MEGF8: variants seen among roughly 807,000 people sequenced by gnomAD.
MEGF8 encodes multiple epidermal growth factor-like domains protein 8.
MEGF8 carries 156 observed loss-of-function variants against 302.9 expected under a neutral mutation model. The ratio of observed to expected loss-of-function variants is 0.52; its 90% CI spans 0.45 to 0.59. The LOEUF is 0.59. MEGF8 is among the 20% of genes least tolerant of loss of function. MEGF8 has a pLI of 0.00. For synonymous variants in MEGF8, 1,621 were observed against 1,660.5 expected (o/e 0.98, Z 0.58); for missense variants, 3,345 against 3,964.5 (o/e 0.84, Z 4.20).
chr19:42,349,792 C>T (rs2039342487), intron 14 of MEGF8, 93 bp downstream of exon 14: 12 of 1,353,232 alleles, frequency 8.9e-6, no homozygotes, highest in East Asian at 4.6e-5. Flanking sequence ...ACTCTGAAAT[C>T]CCTAGATTCT....
Position 42,368,881 on chromosome 19 carries a change from C to T in MEGF8, c.6520C>T (p.Leu2174=), listed in dbSNP as rs375806503. The change falls in exon 37 of 42, where the codon CTG becomes TTG. Residue 2174 remains leucine (L), a synonymous_variant. Coordinates refer to ENST00000251268, the MANE Select transcript of MEGF8 (RefSeq NM_001271938.2). This position sits in a 1 kb window ranked among gnomAD's most constrained non-coding sequence, Gnocchi z 4.9. ...CGRPGASWAF[L]SCPPEDECAN... is the part of the protein sequence containing the mutation. ...GCGTCCGGGGGCCTCCTGGGCCTTC[C>T]TGTCCTGCCCCCCTGAGGACGAGTG... is the stretch of plus-strand genomic sequence containing the variant. 13 of 1,613,762 alleles carry T rather than the reference C, an allele frequency of 8.1e-6. No homozygotes were observed. In the African/African-American group the frequency reaches 1.2e-4, roughly 15 times the overall value.
chr19:42,362,357 C>T, intron 33 of MEGF8, 27 bp from the exon 34 acceptor site: 1 of 1,613,332 alleles, frequency 6.2e-7, no homozygotes, highest in Non-Finnish European at 8.5e-7. Flanking sequence ...TGCTGAGGGT[C>T]CCATCTAGCC....
rs1378735472 is a variant in MEGF8, at chr19:42,354,588, C to G, written c.4012C>G (p.Leu1338Val). The change falls in exon 23 of 42, where the codon CTG becomes GTG. Residue 1338 changes from leucine to valine, a missense_variant and splice_region_variant. Coordinates refer to ENST00000251268, the MANE Select transcript of MEGF8 (RefSeq NM_001271938.2). The surrounding 1 kb of genome is among the most constrained non-coding windows in gnomAD (Gnocchi z 4.3). ...FSPDSSTPCT[L>V]SYVLAFDGFP... is the part of the protein sequence containing the mutation. ...AATCCTCGATTCTGCACCCCTCTAG[C>G]TGAGCTACGTCCTGGCGTTTGATGG... The G allele has an allele frequency of 2.1e-5, 34 of 1,611,278 alleles. No individual in the cohort carries two copies. Among genetic ancestry groups the G allele is most frequent in the Non-Finnish European group, 2.8e-5 (33 of 1,178,508 alleles).
rs2039383307 is a variant in MEGF8 at position 42,352,130 on chromosome 19, C to T, written c.3102-78C>T. 4 of 1,436,110 alleles carry T rather than the reference C, an allele frequency of 2.8e-6. No homozygotes were observed. Among genetic ancestry groups the T allele is most frequent in the Admixed American group, 5.7e-5 (2 of 34,806 alleles). The allele number at this position is 1,436,110 out of a possible 1,614,324, so 89.0% of individuals were successfully genotyped here. A position where few individuals can be genotyped will look rare whatever the true frequency, so the allele number is the denominator to read the frequency against. Reference sequence around the variant, plus strand: ...CATCCCTCTCCTTCCAATTGGCCTCCTCTCTCCCTGTCATTGTTTCTATGT... The same window carrying T: ...CATCCCTCTCCTTCCAATTGGCCTCTTCTCTCCCTGTCATTGTTTCTATGT... On this transcript the variant is annotated intron_variant, in intron 18 of 41. Transcript: ENST00000251268. The surrounding 1 kb of genome is among the most constrained non-coding windows in gnomAD (Gnocchi z 4.4).
intron 12 of MEGF8, among the ~76,000 whole-genome samples, chr19:42,346,132 C>T (rs1179230659): frequency 6.6e-6 from 1 of 152,160 alleles, no homozygotes; most frequent in African/African-American, 2.4e-5. Flanking sequence ...GATCTCCTGA[C>T]CTCATGATCT....
At chr19:42,361,082 T>C (rs1229418643) in intron 32 of MEGF8, 76 bp downstream of exon 32, 1 of 1,420,944 alleles carries the variant, frequency 7.0e-7, no homozygotes, top group African/African-American at 1.4e-5. Flanking sequence ...CACACCAGGA[T>C]GGAGGCCTCA....
intron 1 of MEGF8, among the ~76,000 whole-genome samples, chr19:42,332,417 G>C (rs370918116): frequency 2.0e-5 from 3 of 151,824 alleles, no homozygotes; most frequent in Non-Finnish European, 4.4e-5. Context: ...CCCCAGGCTA[G>C]AGTGCAATGG....
rs1174440152 is a variant in MEGF8, at chr19:42,344,146, G to A, written c.1788+73G>A. 1 of 1,539,792 alleles carries A rather than the reference G, an allele frequency of 6.5e-7. No individual in the cohort carries two copies. Among genetic ancestry groups the A allele is most frequent in the East Asian group, 2.3e-5 (1 of 43,284 alleles). ...CTCAGTGTCTCCCTCTGCCTAACCAGATGGACAAGAACTTTCCCTCAACTG... is the reference window on the plus strand; with the variant it reads ...CTCAGTGTCTCCCTCTGCCTAACCAAATGGACAAGAACTTTCCCTCAACTG... On this transcript the variant is annotated intron_variant, in intron 10 of 41. Transcript: ENST00000251268. The surrounding 1 kb of genome is among the most constrained non-coding windows in gnomAD (Gnocchi z 4.5).
chr19:42,326,106 G>A lies in MEGF8; in HGVS notation c.-138G>A. ...CCGTACCCTTCGCCGGGACTGCCGG[G>A]TCTCCGGGACCTCTTCGATCTACAA... On this transcript the variant is annotated 5_prime_UTR_variant, in exon 1 of 42. Coordinates refer to ENST00000251268, the MANE Select transcript of MEGF8 (RefSeq NM_001271938.2). 7.5e-7 allele frequency: 1 copy of A among 1,332,224 alleles called. No individual in the cohort carries two copies. The highest frequency in any genetic ancestry group is 9.7e-7 in the Non-Finnish European group (1 of 1,033,886). The allele number at this position is 1,332,224 out of a possible 1,614,324, so 82.5% of individuals were successfully genotyped here. A position where few individuals can be genotyped will look rare whatever the true frequency, so the allele number is the denominator to read the frequency against.
chr19:42,350,409 G>C (rs757001102), intron 15 of MEGF8, 25 bp downstream of exon 15: 20 of 1,476,138 alleles, frequency 1.4e-5, no homozygotes, highest in East Asian at 1.2e-4. Context: ...ACCAGGGGAG[G>C]TCACAAGGTG....
rs778172293 is a variant in MEGF8 at position 42,358,838 on chromosome 19, C to T, written c.5227C>T (p.Pro1743Ser). The T allele has an allele frequency of 2.2e-5, 35 of 1,601,794 alleles. No homozygotes were observed. The South Asian group carries it at 2.7e-4, about 12-fold the overall frequency. Residue 1743 changes from proline (P) to serine (S), a missense_variant, in exon 30 of 42, where the codon CCT becomes TCT. Pro to Ser is a moderately conservative substitution (Grantham distance 74). Transcript: ENST00000251268. This position sits in a 1 kb window ranked among gnomAD's most constrained non-coding sequence, Gnocchi z 4.4. ...RGSSRGLGQVPGEQPGSWGFR... is the reference protein window; with the variant it reads ...RGSSRGLGQVSGEQPGSWGFR... ...CTCATCTCGGGGTCTGGGCCAAGTT[C>T]CTGGGGAGCAGCCTGGGTCATGGGG...
chr19:42,339,636 G>C (rs1242078409), intron 8 of MEGF8, among the ~76,000 whole-genome samples: 2 of 152,124 alleles, frequency 1.3e-5, no homozygotes, highest in African/African-American at 4.8e-5. Context: ...TGCATAGTTT[G>C]CAAATATTTT....
intron 41 of MEGF8, among the ~76,000 whole-genome samples, chr19:42,371,876 G>C (rs566438846): frequency 6.6e-6 from 1 of 151,986 alleles, no homozygotes; most frequent in Non-Finnish European, 1.5e-5. Flanking sequence ...TGAGCCCGGG[G>C]GTTCAAGACC....
At chr19:42,333,952 C>T in intron 2 of MEGF8, 55 bp from the exon 3 acceptor site, 2 of 1,568,650 alleles carry the variant, frequency 1.3e-6, no homozygotes, top group Non-Finnish European at 1.7e-6. Flanking sequence ...GGGCCACCCT[C>T]CCAGGACAAT....
chr19:42,369,062 A>G lies in MEGF8; in HGVS notation c.6641+60A>G, dbSNP rs2039648446. On this transcript the variant is annotated intron_variant, in intron 37 of 41. Transcript: ENST00000251268. The surrounding 1 kb of genome is among the most constrained non-coding windows in gnomAD (Gnocchi z 5.7). The stretch of plus-strand genomic sequence containing the variant: ...TAGGGTGGGAGAGTCTGTGGGGAGC[A>G]GTAATGGATGAGGCCTAGAGCCAAG... 1.9e-6 allele frequency: 3 copies of G among 1,588,500 alleles called. No individual in the cohort carries two copies. In the African/African-American group the frequency reaches 4.0e-5, roughly 21 times the overall value.
chr19:42,346,322 T>G (rs971993815), intron 12 of MEGF8, among the ~76,000 whole-genome samples: 1 of 149,630 alleles, frequency 6.7e-6, no homozygotes, highest in African/African-American at 2.5e-5. Context: ...TGGGCGGATC[T>G]CTTGAGGTCA....
At chr19:42,328,519 GC>G (rs374871307) in intron 1 of MEGF8, among the ~76,000 whole-genome samples, 523 of 151,596 alleles carry the variant, frequency 3.4e-3, no homozygotes, top group Non-Finnish European at 6.4e-3. Flanking sequence ...CCTGTTCCCA[GC>G]TTGGGGGCCA....
Position 42,350,371 on chromosome 19 carries a change from A to G in MEGF8, c.2723A>G (p.His908Arg), listed in dbSNP as rs1316350508. The G allele has an allele frequency of 6.4e-7, 1 of 1,558,050 alleles. No homozygotes were observed. Among genetic ancestry groups the G allele is most frequent in the Non-Finnish European group, 8.7e-7 (1 of 1,152,952 alleles). ...CPLCEEHRDC[H>R]ACTQDPFCEW... ...CTCTGCGAGGAGCATCGGGACTGCC[A>G]CGCCTGCACCCAGGTGCCTGTGGGG... Residue 908 changes from histidine (H) to arginine (R), a missense_variant, in exon 15 of 42, where the codon CAC (histidine) becomes CGC (arginine). Coordinates refer to ENST00000251268, the MANE Select transcript of MEGF8 (RefSeq NM_001271938.2).
chr19:42,333,114 A>G (rs1444265317), intron 1 of MEGF8, among the ~76,000 whole-genome samples: 4 of 152,192 alleles, frequency 2.6e-5, no homozygotes. Context: ...TTCTGGGGGA[A>G]GAAGCTGGAC....
Sources: allele counts gnomAD v4.1 joint callset (sites outside exome capture counted in the v4.1 genomes callset), GRCh38; gene constraint gnomAD v4.1.1; non-coding constraint Gnocchi (gnomAD v3.1); transcripts MANE v1.5; gene names NCBI Gene and HGNC (gene_info 2026-07-23, HGNC 2026-07-21).